FHIT: variants seen among roughly 807,000 people sequenced by gnomAD.
The protein encoded by FHIT is bis(5'-adenosyl)-triphosphatase.
In FHIT, 19 loss-of-function variants were observed where a neutral mutation model predicts 17.9. That is an observed-to-expected ratio of 1.06 (90% CI 0.74 to 1.56). The LOEUF (loss-of-function observed/expected upper bound fraction) is 1.56. Among genes scored for constraint, FHIT ranks in the 40% most tolerant of loss-of-function variants. The pLI, the probability that FHIT is intolerant of heterozygous loss-of-function variation, is 0.00. For missense variants in FHIT, 248 were observed against 189.2 expected, an observed-to-expected ratio of 1.31 and a Z score of -1.82; for synonymous variants, 81 against 69.7, an observed-to-expected ratio of 1.16 and a Z score of -0.81.
intron 5 of FHIT, among the ~76,000 whole-genome samples, chr3:60,400,002 A>G (rs1221037108): frequency 1.3e-5 from 2 of 152,128 alleles, no homozygotes; most frequent in African/African-American, 4.8e-5. Flanking sequence ...CTATTACAGG[A>G]AGAGGACACA....
chr3:60,499,622 G>T (rs1412772056), intron 5 of FHIT, among the ~76,000 whole-genome samples: 1 of 151,996 alleles, frequency 6.6e-6, no homozygotes, highest in Non-Finnish European at 1.5e-5. Context: ...CTCGTGATCC[G>T]CCCGCCTCGG....
chr3:60,613,615 A>G (rs1354363570), intron 4 of FHIT, among the ~76,000 whole-genome samples: 3 of 151,740 alleles, frequency 2.0e-5, no homozygotes, highest in African/African-American at 4.8e-5. Context: ...AACTCCCTTT[A>G]TATTCCTTCA....
intron 3 of FHIT, among the ~76,000 whole-genome samples, chr3:60,936,282 T>C (rs1708187248): frequency 6.6e-6 from 1 of 152,240 alleles, no homozygotes; most frequent in Non-Finnish European, 1.5e-5. Context: ...CAAGTCATCA[T>C]TCATTTACTA....
intron 5 of FHIT, among the ~76,000 whole-genome samples, chr3:60,242,003 G>C (rs952451646): frequency 6.6e-6 from 1 of 152,018 alleles, no homozygotes; most frequent in Non-Finnish European, 1.5e-5. Context: ...ACAATTATTG[G>C]TTAGGAAAAT....
chr3:60,923,610 A>T (rs1707406035), intron 3 of FHIT, among the ~76,000 whole-genome samples: 1 of 152,224 alleles, frequency 6.6e-6, no homozygotes, highest in Non-Finnish European at 1.5e-5. Context: ...GAACAGCTCC[A>T]GTCTACAGCT....
chr3:60,790,929 T>C (rs782175354), intron 4 of FHIT, among the ~76,000 whole-genome samples: 1 of 152,232 alleles, frequency 6.6e-6, no homozygotes, highest in Non-Finnish European at 1.5e-5. Flanking sequence ...ACCTCTGTAC[T>C]GTACTTTCTG....
chr3:60,986,429 G>T (rs1269879133), intron 3 of FHIT, among the ~76,000 whole-genome samples: 1 of 152,106 alleles, frequency 6.6e-6, no homozygotes, highest in East Asian at 1.9e-4. Flanking sequence ...ACATCTTTCA[G>T]TTAAACTGGA....
At chr3:60,057,693 GAA>G (rs111902847) in intron 5 of FHIT, among the ~76,000 whole-genome samples, 1 of 133,788 alleles carries the variant, frequency 7.5e-6, no homozygotes. Flanking sequence ...CAGGCCTCTC[GAA>G]AAAAAAAAAA....
intron 4 of FHIT, among the ~76,000 whole-genome samples, chr3:60,714,905 G>A (rs1250381799): frequency 6.6e-6 from 1 of 152,138 alleles, no homozygotes; most frequent in Non-Finnish European, 1.5e-5. Flanking sequence ...AGCTACCAAT[G>A]TCTTTCTTCA....
At chr3:60,367,289 T>C (rs1700146868) in intron 5 of FHIT, among the ~76,000 whole-genome samples, 4 of 152,206 alleles carry the variant, frequency 2.6e-5, no homozygotes, top group Admixed American at 2.6e-4. Flanking sequence ...GGTCTATTTC[T>C]CAATCAGGAG....
intron 5 of FHIT, among the ~76,000 whole-genome samples, chr3:60,468,624 TATC>T (rs1210819505): frequency 6.6e-6 from 1 of 152,142 alleles, no homozygotes; most frequent in Non-Finnish European, 1.5e-5. Flanking sequence ...TTTCTGTTTA[TATC>T]ATACTATCTA....
intron 8 of FHIT, among the ~76,000 whole-genome samples, chr3:59,860,870 G>A (rs563285281): frequency 2.6e-5 from 4 of 152,064 alleles, no homozygotes; most frequent in Admixed American, 6.6e-5. Flanking sequence ...GAAATAGCAC[G>A]GTATGAAAAT....
intron 8 of FHIT, among the ~76,000 whole-genome samples, chr3:59,784,446 T>C (rs1228961812): frequency 6.6e-6 from 1 of 152,338 alleles, no homozygotes; most frequent in East Asian, 1.9e-4. Flanking sequence ...TCCCAACTCC[T>C]TAACAAGGCC....
chr3:60,704,719 T>C (rs998656297), intron 4 of FHIT, among the ~76,000 whole-genome samples: 1 of 152,172 alleles, frequency 6.6e-6, no homozygotes, highest in Admixed American at 6.5e-5. Context: ...AAGAATAAAG[T>C]GATCCAATTC....
At chr3:60,560,842 C>G (rs149871287) in intron 4 of FHIT, among the ~76,000 whole-genome samples, 40,815 of 121,810 alleles carry the variant, frequency 0.34, 6,111 homozygotes, top group Admixed American at 0.37. Context: ...CACACACACA[C>G]ACAGAGAGAG....
At chr3:61,001,655 G>A (rs2031092253) in intron 3 of FHIT, among the ~76,000 whole-genome samples, 1 of 152,174 alleles carries the variant, frequency 6.6e-6, no homozygotes, top group East Asian at 1.9e-4. Flanking sequence ...TTCAGAATGG[G>A]GTAGGGAATA....
At chr3:60,941,341 C>G (rs1244772784) in intron 3 of FHIT, among the ~76,000 whole-genome samples, 1 of 152,112 alleles carries the variant, frequency 6.6e-6, no homozygotes, top group African/African-American at 2.4e-5. Context: ...AAAAATGGCA[C>G]CTTCATTTCT....
At chr3:59,980,863 G>C (rs1708623572) in intron 7 of FHIT, among the ~76,000 whole-genome samples, 1 of 152,162 alleles carries the variant, frequency 6.6e-6, no homozygotes, top group Admixed American at 6.6e-5. Flanking sequence ...TTACCTTAGA[G>C]CATCCCAAAT....
intron 7 of FHIT, among the ~76,000 whole-genome samples, chr3:59,950,063 C>G (rs1029103799): frequency 2.6e-5 from 4 of 152,138 alleles, no homozygotes; most frequent in Non-Finnish European, 5.9e-5. Context: ...GCTTCCTGGC[C>G]TTTCTGGGTC....
Sources: gnomAD v4.1 joint callset for allele counts (sites outside exome capture counted in the v4.1 genomes callset) on GRCh38, gnomAD v4.1.1 for gene constraint, MANE v1.5 for transcripts, NCBI Gene and HGNC (gene_info 2026-07-23, HGNC 2026-07-21) for gene names.